The following UACA variants were observed in gnomAD, a reference collection of about 807,000 sequenced individuals.
UACA encodes the protein uveal autoantigen with coiled-coil domains and ankyrin repeats.
In UACA, 112 loss-of-function variants were observed where a neutral mutation model predicts 160.5. That is an observed-to-expected ratio of 0.70 (90% CI 0.60 to 0.82). UACA has a LOEUF of 0.82. UACA is among the 40% of genes least tolerant of loss of function. The pLI is 0.00. For missense variants in UACA, 1,574 were observed against 1,614.6 expected, an observed-to-expected ratio of 0.97 and a Z score of 0.43; for synonymous variants, 557 against 568.4, an observed-to-expected ratio of 0.98 and a Z score of 0.29.
At chr15:70,662,790 G>A (rs928542303) in intron 17 of UACA, among the ~76,000 whole-genome samples, 2 of 152,142 alleles carry the variant, frequency 1.3e-5, no homozygotes, top group Admixed American at 1.3e-4. Flanking sequence ...AAATGGTGCT[G>A]GGAAAACTGG....
At chr15:70,687,202 A>G (rs1202747411) in intron 7 of UACA, among the ~76,000 whole-genome samples, 5 of 152,226 alleles carry the variant, frequency 3.3e-5, no homozygotes, top group Non-Finnish European at 7.3e-5. Flanking sequence ...TCTCCTATGT[A>G]TCTTACTTGC....
chr15:70,727,691 C>T (rs531852158), intron 1 of UACA, among the ~76,000 whole-genome samples: 150 of 152,228 alleles, frequency 9.9e-4, no homozygotes, highest in African/African-American at 3.5e-3. Context: ...AAACTAAAAA[C>T]ACCAAATAAA....
intron 1 of UACA, among the ~76,000 whole-genome samples, chr15:70,753,825 A>G (rs1254658218): frequency 6.6e-6 from 1 of 152,166 alleles, no homozygotes; most frequent in African/African-American, 2.4e-5. Flanking sequence ...GTTGCTGTTG[A>G]GACAGAGCCT....
chr15:70,698,346 T>C (rs1426381459), intron 2 of UACA, among the ~76,000 whole-genome samples: 1 of 152,196 alleles, frequency 6.6e-6, no homozygotes. Flanking sequence ...CATCTTAGCA[T>C]TTGAGAAAAA....
chr15:70,763,397 AGGC>A lies in UACA; in HGVS notation c.8_10del (p.Ser3_Leu4delinsIle). On this transcript the variant is annotated inframe_deletion, in exon 1 of 19. Coordinates refer to ENST00000322954, the MANE Select transcript of UACA (RefSeq NM_018003.4). ...GTCCTGCCTCCTCAGGCGGGACTTG[AGGC>A]TCTTCATGGCTAACTCTTGCCTGGC... The A allele has an allele frequency of 7.6e-7, 1 of 1,324,024 alleles. No individual in the cohort carries two copies. Among genetic ancestry groups the A allele is most frequent in the Non-Finnish European group, 9.7e-7 (1 of 1,029,692 alleles). 82.0% of individuals were successfully genotyped at this position (1,324,024 alleles called of 1,614,324 possible). A position where few individuals can be genotyped will look rare whatever the true frequency, so the allele number is the denominator to read the frequency against.
chr15:70,728,662 G>T (rs960801510), intron 1 of UACA, among the ~76,000 whole-genome samples: 1 of 151,408 alleles, frequency 6.6e-6, no homozygotes, highest in Non-Finnish European at 1.5e-5. Context: ...GTCCTCAAAG[G>T]CAACTGCAAA....
At chr15:70,705,502 C>A (rs942904740) in intron 1 of UACA, among the ~76,000 whole-genome samples, 4 of 151,902 alleles carry the variant, frequency 2.6e-5, no homozygotes, top group Non-Finnish European at 4.4e-5. Flanking sequence ...CAGCATTGCA[C>A]CCCAACTTGG....
At chr15:70,749,371 A>T (rs1364146621) in intron 1 of UACA, 1 of 184,800 alleles carries the variant, frequency 5.4e-6, no homozygotes, top group Non-Finnish European at 1.2e-5. Flanking sequence ...CTAAAAATAC[A>T]AAAAATTAGC....
intron 9 of UACA, among the ~76,000 whole-genome samples, chr15:70,681,131 T>C (rs759826104): frequency 4.6e-5 from 7 of 152,200 alleles, no homozygotes; most frequent in Admixed American, 1.3e-4. Flanking sequence ...TCTGTTTTGT[T>C]TTTCTTCACA....
chr15:70,755,469 A>G (rs2030362027), intron 1 of UACA, among the ~76,000 whole-genome samples: 1 of 152,094 alleles, frequency 6.6e-6, no homozygotes, highest in South Asian at 2.1e-4. Context: ...CAGGAGTACA[A>G]GACCAGCCTG....
At chr15:70,763,841 C>A (rs1295196868), upstream of UACA, among the ~76,000 whole-genome samples, 1 of 152,238 alleles carries the variant, frequency 6.6e-6, no homozygotes, top group African/African-American at 2.4e-5. Flanking sequence ...CGGGGTCCCG[C>A]CTTTGCCACC....
intron 9 of UACA, 78 bp from the exon 10 acceptor site, chr15:70,679,754 AC>A (rs1256761046): frequency 2.4e-6 from 2 of 830,702 alleles, no homozygotes; most frequent in Non-Finnish European, 1.9e-6. Flanking sequence ...TTGGCAATAC[AC>A]CCAGTTAGTG....
At chr15:70,657,409 G>C (rs989677780) in intron 18 of UACA, among the ~76,000 whole-genome samples, 10 of 151,362 alleles carry the variant, frequency 6.6e-5, no homozygotes, top group African/African-American at 2.4e-4. Context: ...TCAGGAGTTC[G>C]AGACCAGCCT....
In UACA at chr15:70,668,803, AATG is replaced by A; in HGVS notation, c.1878_1880del (p.Ile627del). 1 of 1,613,882 alleles carries A rather than the reference AATG, an allele frequency of 6.2e-7. No individual in the cohort carries two copies. Among genetic ancestry groups the A allele is most frequent in the Non-Finnish European group, 8.5e-7 (1 of 1,180,002 alleles). ...TCATGTTTTCAAATTTTTCAGCTGG[AATG>A]GAAAGGGCCAACTTCGCTGACAATT... is the stretch of plus-strand genomic sequence containing the variant. On this transcript the variant is annotated inframe_deletion, in exon 16 of 19. Transcript: ENST00000322954.
At chr15:70,725,075 CA>C (rs1899104410) in intron 1 of UACA, among the ~76,000 whole-genome samples, 1 of 150,728 alleles carries the variant, frequency 6.6e-6, no homozygotes, top group African/African-American at 2.4e-5. Flanking sequence ...CTGGGCAACA[CA>C]GCAAGATCTC....
At chr15:70,721,285 A>C (rs2140988066) in intron 1 of UACA, among the ~76,000 whole-genome samples, 1 of 152,296 alleles carries the variant, frequency 6.6e-6, no homozygotes, top group East Asian at 1.9e-4. Context: ...TTTAAAGGAT[A>C]AATCAGTTCA....
Position 70,669,102 on chromosome 15 carries a change from T to A in UACA, c.1582A>T (p.Thr528Ser). 1 of 1,614,142 alleles carries A rather than the reference T, an allele frequency of 6.2e-7. No individual in the cohort carries two copies. The highest frequency in any genetic ancestry group is 8.5e-7 in the Non-Finnish European group (1 of 1,180,006). ...THFLALKEHL[T>S]SEAASGNHRL... ...TGATTCCCTGAGGCTGCTTCACTTG[T>A]TAAGTGTTCTTTAAGGGCAAGAAAA... The change falls in exon 16 of 19, where the codon ACA becomes TCA. Residue 528 changes from threonine to serine, a missense_variant. By Grantham distance (58) the Thr-to-Ser change is moderately conservative. Transcript: ENST00000322954.
In UACA at chr15:70,668,500, G is replaced by A. The variant is rs1297526559; in HGVS notation, c.2184C>T (p.Leu728=). 4 of 1,611,488 alleles carry A rather than the reference G, an allele frequency of 2.5e-6. No homozygotes were observed. The highest frequency in any genetic ancestry group is 1.1e-5 in the South Asian group (1 of 90,424). Reference sequence around the variant, plus strand: ...TTAAGTTATGTGCTTGCTCCTTGAGGAGCTTATTATCCAAATAAACTTTTT... The same window carrying A: ...TTAAGTTATGTGCTTGCTCCTTGAGAAGCTTATTATCCAAATAAACTTTTT... ...EIEKVYLDNK[L]LKEQAHNLTI... The change falls in exon 16 of 19, where the codon CTC becomes CTT. Residue 728 remains leucine (L), a synonymous_variant. Transcript: ENST00000322954.
intron 10 of UACA, 132 bp downstream of exon 10, chr15:70,679,476 A>C: frequency 2.2e-6 from 1 of 463,644 alleles, no homozygotes; most frequent in Non-Finnish European, 3.8e-6. Context: ...AATCACAAAC[A>C]ATTTTAACGA....
Sources: gnomAD v4.1 joint callset for allele counts (sites outside exome capture counted in the v4.1 genomes callset) on GRCh38, gnomAD v4.1.1 for gene constraint, MANE v1.5 for transcripts, NCBI Gene and HGNC (gene_info 2026-07-23, HGNC 2026-07-21) for gene names.